Variants in RIMS2 observed in about 807,000 individuals in gnomAD.
The protein encoded by RIMS2 is regulating synaptic membrane exocytosis 2.
Under a neutral mutation model 174.4 loss-of-function variants are expected in RIMS2, and 59 were observed. The ratio of observed to expected loss-of-function variants is 0.34; its 90% CI spans 0.27 to 0.42. The LOEUF (loss-of-function observed/expected upper bound fraction) is 0.42, where lower values mean the gene tolerates loss of function less well. Ranked by LOEUF, RIMS2 falls within the 10% of genes least tolerant of loss-of-function variation. RIMS2 has a pLI of 1.00. For missense variants in RIMS2, 1,620 were observed against 1,666.3 expected, an observed-to-expected ratio of 0.97 and a Z score of 0.48; for synonymous variants, 606 against 572.5, an observed-to-expected ratio of 1.06 and a Z score of -0.84.
At chr8:103,504,220 C>A (rs537489760) in intron 1 of RIMS2, among the ~76,000 whole-genome samples, 2 of 151,502 alleles carry the variant, frequency 1.3e-5, no homozygotes, top group Admixed American at 6.6e-5. Flanking sequence ...GTTTTTAAGT[C>A]TTGTCTTTCA....
At chr8:104,145,920 A>G (rs1261927227) in intron 19 of RIMS2, among the ~76,000 whole-genome samples, 1 of 151,776 alleles carries the variant, frequency 6.6e-6, no homozygotes, top group Admixed American at 6.6e-5. Context: ...ATCGTTTTAG[A>G]TGATATCCAG....
intron 1 of RIMS2, among the ~76,000 whole-genome samples, chr8:103,656,416 G>C (rs1330429396): frequency 6.6e-6 from 1 of 152,096 alleles, no homozygotes; most frequent in Non-Finnish European, 1.5e-5. Flanking sequence ...CCTAGAGAGA[G>C]AGTGTGTGAT....
intron 1 of RIMS2, among the ~76,000 whole-genome samples, chr8:103,515,882 A>G (rs1401031929): frequency 2.0e-5 from 3 of 152,042 alleles, no homozygotes; most frequent in Non-Finnish European, 4.4e-5. Flanking sequence ...TTTAGTGGCT[A>G]TAGTGTCAGT....
At chr8:103,721,944 G>A (rs916785017) in intron 2 of RIMS2, among the ~76,000 whole-genome samples, 3 of 152,164 alleles carry the variant, frequency 2.0e-5, no homozygotes, top group African/African-American at 7.2e-5. Context: ...ACCAGTATAT[G>A]GAAGATGGAG....
chr8:104,223,224 G>T, intron 19 of RIMS2: 2 of 230,568 alleles, frequency 8.7e-6, no homozygotes, highest in Non-Finnish European at 1.5e-5. Flanking sequence ...CGCGCGCCCC[G>T]GAGCCACCAG....
chr8:104,188,555 T>C (rs531582644), intron 19 of RIMS2, among the ~76,000 whole-genome samples: 1 of 151,944 alleles, frequency 6.6e-6, no homozygotes, highest in South Asian at 2.1e-4. Context: ...AAACTAGGTA[T>C]ATGCCCAATA....
chr8:103,983,895 A>C (rs2094131101), intron 16 of RIMS2, among the ~76,000 whole-genome samples: 1 of 152,094 alleles, frequency 6.6e-6, no homozygotes, highest in African/African-American at 2.4e-5. Context: ...AGTAGACAAA[A>C]GGGCACAGTG....
intron 4 of RIMS2, among the ~76,000 whole-genome samples, chr8:103,889,533 A>T (rs1184143415): frequency 2.0e-5 from 3 of 151,784 alleles, no homozygotes; most frequent in African/African-American, 7.2e-5. Flanking sequence ...TTTTTTTTCG[A>T]GGTCCTAGTA....
chr8:103,955,663 T>G (rs1203015277), intron 14 of RIMS2, among the ~76,000 whole-genome samples: 1 of 152,204 alleles, frequency 6.6e-6, no homozygotes, highest in Non-Finnish European at 1.5e-5. Context: ...TGTCAAAAAC[T>G]GGAAGCATTC....
chr8:104,119,538 CTAAGA>C (rs1023487724), intron 19 of RIMS2, among the ~76,000 whole-genome samples: 2 of 152,038 alleles, frequency 1.3e-5, no homozygotes, highest in Admixed American at 6.5e-5. Context: ...TCTCTTATTC[CTAAGA>C]TAAAAGTAAG....
chr8:103,973,632 A>G (rs2093134196), intron 15 of RIMS2, among the ~76,000 whole-genome samples: 1 of 152,198 alleles, frequency 6.6e-6, no homozygotes, highest in African/African-American at 2.4e-5. Flanking sequence ...ATCAGTAAAG[A>G]CCCACCAAGT....
intron 1 of RIMS2, among the ~76,000 whole-genome samples, chr8:103,631,373 T>C (rs1000589591): frequency 2.2e-4 from 33 of 152,230 alleles, no homozygotes; most frequent in African/African-American, 7.7e-4. Context: ...CCCAGTATCA[T>C]TTATTGCGTA....
intron 1 of RIMS2, among the ~76,000 whole-genome samples, chr8:103,518,254 T>C (rs758280467): frequency 6.6e-6 from 1 of 152,068 alleles, no homozygotes; most frequent in South Asian, 2.1e-4. Context: ...ATAAATAATT[T>C]ATGCTATAAC....
intron 19 of RIMS2, among the ~76,000 whole-genome samples, chr8:104,090,370 G>A (rs899428342): frequency 1.3e-5 from 2 of 151,670 alleles, no homozygotes; most frequent in Non-Finnish European, 1.5e-5. Context: ...ATGCACCTAT[G>A]AATCATAGCA....
chr8:103,951,681 G>T (rs1056362196), intron 14 of RIMS2, among the ~76,000 whole-genome samples: 1 of 152,154 alleles, frequency 6.6e-6, no homozygotes, highest in African/African-American at 2.4e-5. Flanking sequence ...AGCCATTTGG[G>T]CAGACACTGA....
intron 1 of RIMS2, among the ~76,000 whole-genome samples, chr8:103,507,601 T>C (rs1003126232): frequency 6.6e-6 from 1 of 152,108 alleles, no homozygotes; most frequent in African/African-American, 2.4e-5. Context: ...CAAATGTAAT[T>C]TTTAAACATG....
In RIMS2 at chr8:104,249,512, CA is replaced by C; in HGVS notation, c.3620del (p.Lys1207ArgfsTer6). On this transcript the variant is annotated frameshift_variant, in exon 22 of 24. Coordinates refer to ENST00000504942, the Ensembl canonical transcript of RIMS2. LOFTEE classifies it high-confidence loss of function. The stretch of plus-strand genomic sequence containing the variant: ...GTGACATTCAGGTAGGAATGATGGA[CA>C]AAAAGGGACAGCTGGAGGTAGAAAT... 3 of 1,610,260 alleles carry C rather than the reference CA, an allele frequency of 1.9e-6. No individual in the cohort carries two copies. Among genetic ancestry groups the C allele is most frequent in the Non-Finnish European group, 1.7e-6 (2 of 1,176,716 alleles).
intron 19 of RIMS2, among the ~76,000 whole-genome samples, chr8:104,072,996 C>CT (rs772280360): frequency 2.6e-5 from 4 of 152,196 alleles, no homozygotes; most frequent in African/African-American, 4.8e-5. Context: ...GCTTCTTGTA[C>CT]TTTTTTTATC....
intron 19 of RIMS2, among the ~76,000 whole-genome samples, chr8:104,113,031 T>A (rs771008825): frequency 6.6e-6 from 1 of 152,200 alleles, no homozygotes; most frequent in Non-Finnish European, 1.5e-5. Flanking sequence ...TTTCTGCTAA[T>A]GGTTCATTCT....
Sources: allele counts gnomAD v4.1 joint callset (sites outside exome capture counted in the v4.1 genomes callset), GRCh38; gene constraint gnomAD v4.1.1; transcripts MANE v1.5; gene names NCBI Gene and HGNC (gene_info 2026-07-23, HGNC 2026-07-21).